Variants in EPB41 observed in about 807,000 individuals in gnomAD.
The protein encoded by EPB41 is erythrocyte membrane protein band 4.1, also known as protein 4.1.
Under a neutral mutation model 108.0 loss-of-function variants are expected in EPB41, and 65 were observed. The ratio of observed to expected loss-of-function variants is 0.60; its 90% confidence interval spans 0.49 to 0.74. EPB41 has a LOEUF of 0.74. EPB41 is among the 30% of genes least tolerant of loss of function. The pLI is 0.00. For synonymous variants in EPB41, 336 were observed against 358.9 expected (o/e 0.94, Z 0.72); for missense variants, 875 against 1,037.0 (o/e 0.84, Z 2.15).
Position 29,053,048 on chromosome 1 carries a change from A to C in EPB41, c.1637-56A>C. On this transcript the variant is annotated intron_variant, in intron 11 of 20. Coordinates refer to ENST00000343067, the MANE Select transcript of EPB41 (RefSeq NM_001376013.1). The stretch of plus-strand genomic sequence containing the variant: ...CAATTATTTTGCCTGGTGACTTTGA[A>C]ATAATACAGTAGCTCTGGCCTTTAC... 3 of 1,590,140 alleles carry C rather than the reference A, an allele frequency of 1.9e-6. No individual in the cohort carries two copies. In the South Asian group the frequency reaches 3.4e-5, roughly 18 times the overall value.
intron 1 of EPB41, among the ~76,000 whole-genome samples, chr1:28,928,179 GTA>G (rs2093556906): frequency 6.6e-6 from 1 of 151,746 alleles, no homozygotes; most frequent in Non-Finnish European, 1.5e-5. Context: ...GTAATTTGTG[GTA>G]TTCTATTGGG....
intron 3 of EPB41, among the ~76,000 whole-genome samples, chr1:28,995,359 C>T (rs1322375525): frequency 6.6e-6 from 1 of 152,066 alleles, no homozygotes; most frequent in Admixed American, 6.5e-5. Flanking sequence ...GTCAAGAAAT[C>T]GAGACCATAC....
chr1:29,115,951 G>A lies in EPB41; in HGVS notation c.*6+148G>A, dbSNP rs1670803775. On this transcript the variant is annotated intron_variant, in intron 20 of 20. Coordinates refer to ENST00000343067, the MANE Select transcript of EPB41 (RefSeq NM_001376013.1). The surrounding 1 kb of genome is among the most constrained non-coding windows in gnomAD (Gnocchi z 4.4). ...TAAAGGCAGACGAGAGGCTGATGTG[G>A]GAGATATAGGAAATTAAGTATTTGG... 1 of 654,774 alleles carries A rather than the reference G, an allele frequency of 1.5e-6. No individual in the cohort carries two copies. The highest frequency in any genetic ancestry group is 2.7e-6 in the Non-Finnish European group (1 of 366,740). 40.6% of individuals were successfully genotyped at this position (654,774 alleles called of 1,614,324 possible). A position where few individuals can be genotyped will look rare whatever the true frequency, so the allele number is the denominator to read the frequency against.
At chr1:29,010,624 T>C (rs1026990962) in intron 4 of EPB41, among the ~76,000 whole-genome samples, 3 of 152,216 alleles carry the variant, frequency 2.0e-5, no homozygotes, top group African/African-American at 7.2e-5. Flanking sequence ...GTGAGGTTCT[T>C]TTCCAGTGCC....
intron 4 of EPB41, among the ~76,000 whole-genome samples, chr1:29,009,378 C>T (rs2096462794): frequency 6.6e-6 from 1 of 152,104 alleles, no homozygotes; most frequent in African/African-American, 2.4e-5. Context: ...ACCCTGGAGT[C>T]TTTATATGAT....
chr1:29,033,041 G>A, intron 8 of EPB41, 52 bp from the exon 9 acceptor site: 1 of 1,545,876 alleles, frequency 6.5e-7, no homozygotes, highest in Non-Finnish European at 8.9e-7. Flanking sequence ...ATAGTCAACA[G>A]TGTATTGAGT....
At chr1:29,068,885 CT>C in intron 16 of EPB41, 5 of 975,072 alleles carry the variant, frequency 5.1e-6, no homozygotes, top group East Asian at 3.3e-5. Context: ...TGCTGAATAC[CT>C]TTTTTTCTTT....
At chr1:28,986,212 A>G (rs2095866872) in intron 1 of EPB41, among the ~76,000 whole-genome samples, 1 of 152,208 alleles carries the variant, frequency 6.6e-6, no homozygotes, top group African/African-American at 2.4e-5. Context: ...AATACAGAGA[A>G]GATGAGAAGA....
intron 6 of EPB41, 27 bp downstream of exon 6, chr1:29,015,794 A>C (rs972497025): frequency 2.2e-6 from 3 of 1,389,250 alleles, no homozygotes; most frequent in Non-Finnish European, 3.1e-6. Flanking sequence ...TAAATATGTA[A>C]TTTATCATAT....
chr1:28,939,767 T>C (rs935662501), intron 1 of EPB41, among the ~76,000 whole-genome samples: 2 of 152,136 alleles, frequency 1.3e-5, no homozygotes, highest in African/African-American at 4.8e-5. Flanking sequence ...AAGATCTTAA[T>C]ATTTTTCTTA....
intron 4 of EPB41, among the ~76,000 whole-genome samples, chr1:29,005,115 A>G (rs2096376961): frequency 6.6e-6 from 1 of 152,194 alleles, no homozygotes; most frequent in Non-Finnish European, 1.5e-5. Flanking sequence ...TAATTGGCTC[A>G]TGGTTCTGCA....
chr1:28,905,677 T>C (rs1003448530), intron 1 of EPB41, among the ~76,000 whole-genome samples: 6 of 152,114 alleles, frequency 3.9e-5, no homozygotes, highest in Non-Finnish European at 8.8e-5. Context: ...AGCCACCGAA[T>C]CTATGGCATT....
intron 1 of EPB41, among the ~76,000 whole-genome samples, chr1:28,982,910 A>G (rs921370316): frequency 4.6e-5 from 7 of 152,174 alleles, no homozygotes; most frequent in African/African-American, 1.4e-4. Flanking sequence ...ATGTAAATAC[A>G]TATCTTTAAA....
At chr1:28,954,607 C>T (rs2094871843) in intron 1 of EPB41, among the ~76,000 whole-genome samples, 1 of 152,110 alleles carries the variant, frequency 6.6e-6, no homozygotes, top group Admixed American at 6.6e-5. Context: ...AAGGCTCAAA[C>T]TTCACACAAT....
At chr1:28,948,604 T>C (rs552063053) in intron 1 of EPB41, among the ~76,000 whole-genome samples, 7 of 152,204 alleles carry the variant, frequency 4.6e-5, no homozygotes, top group African/African-American at 1.7e-4. Flanking sequence ...AATCTGTGCT[T>C]AGTATCCTTT....
intron 16 of EPB41, among the ~76,000 whole-genome samples, chr1:29,095,162 C>G (rs1573878504): frequency 6.6e-6 from 1 of 152,154 alleles, no homozygotes; most frequent in African/African-American, 2.4e-5. Flanking sequence ...TGCTTTAGAA[C>G]TGTTTTTCCT....
chr1:28,912,492 G>C (rs2092308090), upstream of EPB41, among the ~76,000 whole-genome samples: 1 of 152,084 alleles, frequency 6.6e-6, no homozygotes, highest in South Asian at 2.1e-4. Context: ...ATATTTGCCA[G>C]TTCCACACCT....
intron 1 of EPB41, among the ~76,000 whole-genome samples, chr1:28,985,125 G>A (rs1180011089): frequency 4.0e-5 from 6 of 151,862 alleles, no homozygotes; most frequent in Non-Finnish European, 8.8e-5. Context: ...CACCATGCCC[G>A]GCTAATTTTT....
At chr1:28,962,448 T>C (rs1426813525) in intron 1 of EPB41, among the ~76,000 whole-genome samples, 1 of 152,206 alleles carries the variant, frequency 6.6e-6, no homozygotes, top group Non-Finnish European at 1.5e-5. Flanking sequence ...TTCTACACTG[T>C]ACACTAAAAT....
Sources: gnomAD v4.1 joint callset for allele counts (sites outside exome capture counted in the v4.1 genomes callset) on GRCh38, gnomAD v4.1.1 for gene constraint, Gnocchi (gnomAD v3.1) non-coding constraint, MANE v1.5 for transcripts, NCBI Gene and HGNC (gene_info 2026-07-23, HGNC 2026-07-21) for gene names.